STK32B: variants seen among roughly 807,000 people sequenced by gnomAD.
STK32B encodes the protein serine/threonine kinase 32B.
Under a neutral mutation model 52.6 loss-of-function variants are expected in STK32B, and 43 were observed. The ratio of observed to expected loss-of-function variants is 0.82; its 90% CI spans 0.64 to 1.05. The LOEUF is 1.05. STK32B is among the 50% of genes least tolerant of loss of function. The probability of loss-of-function intolerance (pLI) is 0.00; values close to 1 mark genes in which losing one functional copy is unlikely to be tolerated. For missense variants in STK32B, 621 were observed against 534.6 expected, an observed-to-expected ratio of 1.16 and a Z score of -1.59; for synonymous variants, 238 against 204.3, an observed-to-expected ratio of 1.17 and a Z score of -1.41.
intron 3 of STK32B, among the ~76,000 whole-genome samples, chr4:5,282,467 G>T (rs1406117333): frequency 6.6e-6 from 1 of 152,068 alleles, no homozygotes; most frequent in Non-Finnish European, 1.5e-5. Context: ...CTAACACTAA[G>T]AACAATTATA....
intron 3 of STK32B, among the ~76,000 whole-genome samples, chr4:5,242,679 T>G (rs1246295468): frequency 1.3e-5 from 2 of 152,208 alleles, no homozygotes; most frequent in African/African-American, 4.8e-5. Context: ...TGGTATTGCC[T>G]AGGTTTTCTT....
At chr4:5,172,888 C>T (rs1211170177) in intron 3 of STK32B, among the ~76,000 whole-genome samples, 1 of 152,120 alleles carries the variant, frequency 6.6e-6, no homozygotes, top group Non-Finnish European at 1.5e-5. Context: ...GGAATGGTAC[C>T]AGTTCCTCCT....
chr4:5,184,695 A>AAAAAAAGAAG (rs58321341), intron 3 of STK32B, among the ~76,000 whole-genome samples: 8 of 137,594 alleles, frequency 5.8e-5, no homozygotes, highest in African/African-American at 1.3e-4. Context: ...AAAAAAAAAA[A>AAAAAAAGAAG]AAGAAGAAGA....
intron 3 of STK32B, among the ~76,000 whole-genome samples, chr4:5,278,261 A>G (rs1157829712): frequency 1.3e-5 from 2 of 152,228 alleles, no homozygotes; most frequent in Non-Finnish European, 2.9e-5. Context: ...AAAACTCTTC[A>G]TGCACCAGGA....
chr4:5,054,157 AG>A (rs1741904651), intron 1 of STK32B, among the ~76,000 whole-genome samples: 1 of 152,128 alleles, frequency 6.6e-6, no homozygotes, highest in South Asian at 2.1e-4. Flanking sequence ...TTTATTTCGT[AG>A]GCATTTACTA....
At chr4:5,209,994 C>T (rs542070184) in intron 3 of STK32B, among the ~76,000 whole-genome samples, 1 of 152,116 alleles carries the variant, frequency 6.6e-6, no homozygotes, top group Admixed American at 6.5e-5. Flanking sequence ...TTCTAGAGGC[C>T]AACTGCCTGA....
At chr4:5,496,296 A>G (rs7695604) in intron 11 of STK32B, among the ~76,000 whole-genome samples, 7 of 152,026 alleles carry the variant, frequency 4.6e-5, no homozygotes, top group African/African-American at 1.7e-4. Context: ...GCGCCCCTCC[A>G]CCAGCCTCGC....
At chr4:5,246,416 A>T (rs1725455534) in intron 3 of STK32B, among the ~76,000 whole-genome samples, 1 of 152,138 alleles carries the variant, frequency 6.6e-6, no homozygotes, top group African/African-American at 2.4e-5. Context: ...CTTGGTTTTC[A>T]GCTCCATCAG....
At chr4:5,435,663 G>C (rs1409009112) in intron 6 of STK32B, 1 of 152,194 alleles carries the variant, frequency 6.6e-6, no homozygotes, top group Admixed American at 6.5e-5. Flanking sequence ...TATTTATTTA[G>C]TCAGTTAACA....
intron 3 of STK32B, among the ~76,000 whole-genome samples, chr4:5,242,169 C>T (rs992920235): frequency 6.6e-5 from 10 of 152,102 alleles, no homozygotes; most frequent in Non-Finnish European, 1.0e-4. Context: ...TCCACAATGG[C>T]TGAATTAGTT....
intron 3 of STK32B, among the ~76,000 whole-genome samples, chr4:5,316,844 ATAATATATT>A (rs1730892179): frequency 8.8e-4 from 2 of 2,268 alleles, no homozygotes; most frequent in Non-Finnish European, 1.3e-3. Context: ...TATATTATAT[ATAATATATT>A]ATATATATTA....
intron 3 of STK32B, among the ~76,000 whole-genome samples, chr4:5,308,189 T>G (rs6812303): frequency 6.6e-6 from 1 of 152,024 alleles, no homozygotes; most frequent in African/African-American, 2.4e-5. Context: ...CTAAAGAGCT[T>G]TCAAGAGATT....
In STK32B at chr4:5,311,923, T is replaced by TA. The variant is rs201403625; in HGVS notation, c.261-19294dup. Among the ~76,000 whole-genome samples, 523 of 151,054 alleles carry TA rather than the reference T, an allele frequency of 3.5e-3. 3 individuals carry two copies. Among genetic ancestry groups the TA allele is most frequent in the African/African-American group, 0.012 (486 of 41,288 alleles). On this transcript the variant is annotated intron_variant, in intron 3 of 11. Coordinates refer to ENST00000282908, the MANE Select transcript of STK32B (RefSeq NM_018401.3). ...ACTTTTATATATATATATTTTTTTT[T>TA]AAAGTTTATTCTTATTTTTATGAAA...
chr4:5,211,648 CA>C (rs1722910698), intron 3 of STK32B, among the ~76,000 whole-genome samples: 1 of 152,150 alleles, frequency 6.6e-6, no homozygotes, highest in South Asian at 2.1e-4. Flanking sequence ...TCCTCCCTGC[CA>C]GCCTTCTCTC....
chr4:5,384,500 C>T (rs1736121628), intron 4 of STK32B, among the ~76,000 whole-genome samples: 1 of 152,032 alleles, frequency 6.6e-6, no homozygotes, highest in Non-Finnish European at 1.5e-5. Context: ...GGTCAAAGAA[C>T]CCACAGAGAC....
intron 3 of STK32B, among the ~76,000 whole-genome samples, chr4:5,265,006 C>G (rs1364305209): frequency 6.6e-6 from 1 of 152,062 alleles, no homozygotes; most frequent in African/African-American, 2.4e-5. Flanking sequence ...AGAATTATTA[C>G]CTACCTCATA....
At chr4:5,476,143 G>T (rs1385559940) in intron 11 of STK32B, among the ~76,000 whole-genome samples, 1 of 151,944 alleles carries the variant, frequency 6.6e-6, no homozygotes, top group African/African-American at 2.4e-5. Flanking sequence ...CAGGTGATCT[G>T]CCCACCTCGG....
At chr4:5,362,590 C>G (rs541807460) in intron 4 of STK32B, among the ~76,000 whole-genome samples, 25 of 152,296 alleles carry the variant, frequency 1.6e-4, no homozygotes, top group African/African-American at 6.0e-4. Context: ...TAGCAGCAGC[C>G]AGGTCCCTGC....
intron 1 of STK32B, among the ~76,000 whole-genome samples, chr4:5,078,855 AAGTGG>A (rs1712240143): frequency 6.6e-6 from 1 of 152,176 alleles, no homozygotes; most frequent in Non-Finnish European, 1.5e-5. Context: ...CAGCACAGGG[AAGTGG>A]AGTTATAGTG....
Sources: allele counts gnomAD v4.1 joint callset (sites outside exome capture counted in the v4.1 genomes callset), GRCh38; gene constraint gnomAD v4.1.1; transcripts MANE v1.5; gene names NCBI Gene and HGNC (gene_info 2026-07-23, HGNC 2026-07-21).